Variants in ATXN7L1 observed in about 807,000 individuals in gnomAD.
ATXN7L1 encodes ataxin-7-like protein 1.
In ATXN7L1, 15 loss-of-function variants were observed where a neutral mutation model predicts 70.8. The ratio of observed to expected loss-of-function variants is 0.21; its 90% CI spans 0.14 to 0.33. ATXN7L1 has a LOEUF of 0.33. ATXN7L1 is among the 10% of genes least tolerant of loss of function. The pLI is 1.00. For synonymous variants in ATXN7L1, 440 were observed against 445.1 expected (o/e 0.99, Z 0.14); for missense variants, 975 against 1,097.1 (o/e 0.89, Z 1.57).
At chr7:105,629,340 C>T (rs1796232546) in intron 7 of ATXN7L1, among the ~76,000 whole-genome samples, 2 of 151,934 alleles carry the variant, frequency 1.3e-5, no homozygotes, top group African/African-American at 4.8e-5. Context: ...TAGATTCCAC[C>T]TGTAACTGAA....
At chr7:105,727,896 C>T (rs1796100986) in intron 3 of ATXN7L1, among the ~76,000 whole-genome samples, 1 of 149,734 alleles carries the variant, frequency 6.7e-6, no homozygotes, top group Admixed American at 6.7e-5. Context: ...ACAGACACAT[C>T]CCAGACTAAC....
chr7:105,663,668 G>A (rs985060770), intron 4 of ATXN7L1, among the ~76,000 whole-genome samples: 32 of 152,122 alleles, frequency 2.1e-4, no homozygotes, highest in African/African-American at 6.8e-4. Flanking sequence ...CATCTTCCTT[G>A]TTTTAAGTTT....
chr7:105,845,819 A>T (rs1055271511), intron 2 of ATXN7L1, among the ~76,000 whole-genome samples: 1 of 152,202 alleles, frequency 6.6e-6, no homozygotes, highest in African/African-American at 2.4e-5. Context: ...CTCTTTCAAA[A>T]AATGATGCTG....
rs191166323 is a variant in ATXN7L1, at chr7:105,747,279, G to A, written c.355+41325C>T. The stretch of plus-strand genomic sequence containing the variant: ...GTTGAGTTCATCACTAATGGCCAGT[G>A]GTTTAATCAATCATGCCTACATAAT... On this transcript the variant is annotated intron_variant, in intron 3 of 11. Coordinates refer to ENST00000419735, the MANE Select transcript of ATXN7L1 (RefSeq NM_020725.2). Among the ~76,000 whole-genome samples the A allele has an allele frequency of 1.2e-3, 180 of 152,190 alleles. 1 individual carries two copies. The East Asian group carries it at 0.034, about 29-fold the overall frequency.
At chr7:105,856,472 G>A (rs1401152098) in intron 2 of ATXN7L1, among the ~76,000 whole-genome samples, 1 of 151,570 alleles carries the variant, frequency 6.6e-6, no homozygotes, top group African/African-American at 2.4e-5. Context: ...TGTAATTCCA[G>A]ATACTCGGGA....
At chr7:105,731,851 G>C (rs2050037431) in intron 3 of ATXN7L1, among the ~76,000 whole-genome samples, 1 of 150,534 alleles carries the variant, frequency 6.6e-6, no homozygotes, top group African/African-American at 2.5e-5. Flanking sequence ...CCAGCATTTT[G>C]GGAGCCTGAG....
At chr7:105,776,630 G>C (rs967440881) in intron 3 of ATXN7L1, among the ~76,000 whole-genome samples, 84 of 152,228 alleles carry the variant, frequency 5.5e-4, no homozygotes, top group Non-Finnish European at 2.6e-4. Context: ...GAGTGTGAGA[G>C]GGGGGAGGGG....
chr7:105,641,509 G>A (rs1204056749), intron 5 of ATXN7L1, among the ~76,000 whole-genome samples: 2 of 152,166 alleles, frequency 1.3e-5, no homozygotes, highest in Non-Finnish European at 2.9e-5. Flanking sequence ...CAAAAACAAT[G>A]TGCGGCAAAA....
At chr7:105,697,340 C>G (rs1021415011) in intron 3 of ATXN7L1, among the ~76,000 whole-genome samples, 59 of 152,322 alleles carry the variant, frequency 3.9e-4, no homozygotes, top group East Asian at 7.7e-4. Flanking sequence ...GACCTACCCC[C>G]CTAGGTGCAC....
chr7:105,699,339 C>T (rs935191744), intron 3 of ATXN7L1, among the ~76,000 whole-genome samples: 2 of 151,974 alleles, frequency 1.3e-5, no homozygotes, highest in Non-Finnish European at 2.9e-5. Context: ...GCCGTGTTGG[C>T]CAGGCTGGTC....
chr7:105,737,812 C>A (rs748425500), intron 3 of ATXN7L1, among the ~76,000 whole-genome samples: 4 of 152,110 alleles, frequency 2.6e-5, no homozygotes, highest in Non-Finnish European at 5.9e-5. Flanking sequence ...AGCTCGTAAG[C>A]GGGGAGTATG....
intron 3 of ATXN7L1, among the ~76,000 whole-genome samples, chr7:105,733,541 C>CCCATCCATCCATCCATCCAT (rs1796857081): frequency 5.6e-4 from 12 of 21,376 alleles, no homozygotes; most frequent in Non-Finnish European, 9.3e-4. Context: ...CATCCATCCA[C>CCCATCCATCCATCCATCCAT]CCATCCATCC....
At chr7:105,675,247 T>C (rs940557035) in intron 3 of ATXN7L1, among the ~76,000 whole-genome samples, 1 of 151,686 alleles carries the variant, frequency 6.6e-6, no homozygotes, top group Admixed American at 6.6e-5. Flanking sequence ...CCTAAGAAAA[T>C]GTATGCAAAA....
At chr7:105,610,335 T>G (rs1337281990) in intron 11 of ATXN7L1, among the ~76,000 whole-genome samples, 194 bp downstream of exon 11, 1 of 152,024 alleles carries the variant, frequency 6.6e-6, no homozygotes, top group Non-Finnish European at 1.5e-5. Context: ...ACAGAGGAAA[T>G]GGAAGCACAG....
intron 9 of ATXN7L1, among the ~76,000 whole-genome samples, chr7:105,619,146 T>TTTTTTTTTC (rs1794409604): frequency 9.2e-6 from 1 of 108,528 alleles, no homozygotes; most frequent in Non-Finnish European, 1.9e-5. Context: ...TTTAGTTTTT[T>TTTTTTTTTC]TTTTTTTTTT....
intron 4 of ATXN7L1, among the ~76,000 whole-genome samples, chr7:105,645,874 G>A (rs528380855): frequency 6.6e-6 from 1 of 151,806 alleles, no homozygotes; most frequent in East Asian, 1.9e-4. Context: ...AGGGGTGGTG[G>A]TGCATGCCTG....
intron 4 of ATXN7L1, chr7:105,649,389 C>G (rs542461245): frequency 2.1e-5 from 21 of 987,588 alleles, no homozygotes; most frequent in South Asian, 4.7e-5. Flanking sequence ...CCCCTTGCTA[C>G]GTGGGGGCGA....
intron 2 of ATXN7L1, among the ~76,000 whole-genome samples, chr7:105,791,362 C>T (rs773971133): frequency 6.6e-6 from 1 of 152,094 alleles, no homozygotes; most frequent in Non-Finnish European, 1.5e-5. Context: ...TGGAGGGGAG[C>T]GTTATTAGTC....
chr7:105,740,654 G>C (rs541354743), intron 3 of ATXN7L1, among the ~76,000 whole-genome samples: 1 of 151,950 alleles, frequency 6.6e-6, no homozygotes, highest in Admixed American at 6.6e-5. Context: ...TAATTTCTCT[G>C]AAGTTTCCTG....
Sources: allele counts gnomAD v4.1 joint callset (sites outside exome capture counted in the v4.1 genomes callset), GRCh38; gene constraint gnomAD v4.1.1; transcripts MANE v1.5; gene names NCBI Gene and HGNC (gene_info 2026-07-23, HGNC 2026-07-21).